Variants in ARL15 observed in about 807,000 individuals in gnomAD.
The protein encoded by ARL15 is ARF like GTPase 15.
In ARL15, 19 loss-of-function variants were observed where a neutral mutation model predicts 25.2. The ratio of observed to expected loss-of-function variants is 0.75; its 90% confidence interval spans 0.53 to 1.10. The LOEUF (loss-of-function observed/expected upper bound fraction) is 1.10, where lower values mean the gene tolerates loss of function less well. ARL15 is among the 50% of genes least tolerant of loss of function. The pLI, the probability that ARL15 is intolerant of heterozygous loss-of-function variation, is 0.00. For missense variants in ARL15, 220 were observed against 246.0 expected (o/e 0.89, Z 0.71); for synonymous variants, 94 against 86.8 (o/e 1.08, Z -0.46).
chr5:53,957,140 C>A (rs972238652), intron 4 of ARL15, among the ~76,000 whole-genome samples: 4 of 151,996 alleles, frequency 2.6e-5, no homozygotes, highest in African/African-American at 7.2e-5. Flanking sequence ...GAGATCTGCA[C>A]CAAAACATCT....
chr5:54,163,134 G>A (rs563247485), intron 2 of ARL15, among the ~76,000 whole-genome samples: 4 of 151,458 alleles, frequency 2.6e-5, no homozygotes, highest in Admixed American at 2.0e-4. Context: ...TTTTGTTTTT[G>A]TTTTTTGCAT....
At chr5:53,934,256 C>T (rs1746287174) in intron 4 of ARL15, among the ~76,000 whole-genome samples, 1 of 152,078 alleles carries the variant, frequency 6.6e-6, no homozygotes, top group Admixed American at 6.6e-5. Flanking sequence ...GTAGACATAT[C>T]CACAGACTCT....
intron 4 of ARL15, among the ~76,000 whole-genome samples, chr5:54,026,889 GA>G (rs1749800568): frequency 6.6e-6 from 1 of 152,112 alleles, no homozygotes; most frequent in South Asian, 2.1e-4. Context: ...TTACTAGAAG[GA>G]ATCTTCTTCT....
At chr5:54,028,040 C>T (rs1749839815) in intron 4 of ARL15, among the ~76,000 whole-genome samples, 1 of 152,032 alleles carries the variant, frequency 6.6e-6, no homozygotes, top group Non-Finnish European at 1.5e-5. Context: ...TCTGCCTCAG[C>T]CTCCCTAGTA....
intron 1 of ARL15, among the ~76,000 whole-genome samples, chr5:54,300,029 C>T (rs1758574851): frequency 6.6e-6 from 1 of 152,186 alleles, no homozygotes; most frequent in South Asian, 2.1e-4. Context: ...ACCAAACCTG[C>T]TATTTCTTCA....
chr5:53,960,235 G>A (rs1160965354), intron 4 of ARL15, among the ~76,000 whole-genome samples: 1 of 152,162 alleles, frequency 6.6e-6, no homozygotes, highest in Non-Finnish European at 1.5e-5. Flanking sequence ...CTAGCTGGTA[G>A]AAGAGATAAA....
intron 4 of ARL15, among the ~76,000 whole-genome samples, chr5:53,918,930 T>C (rs965734885): frequency 3.9e-5 from 6 of 152,186 alleles, no homozygotes; most frequent in African/African-American, 1.2e-4. Flanking sequence ...TACAAGAAGA[T>C]ATACAATTAT....
chr5:54,307,805 G>A (rs550235271), intron 1 of ARL15: 1 of 152,110 alleles, frequency 6.6e-6, no homozygotes, highest in East Asian at 1.9e-4. Context: ...TTTCCAACAG[G>A]AACAACACAA....
At chr5:54,267,528 A>G (rs962778007) in intron 1 of ARL15, among the ~76,000 whole-genome samples, 21 of 152,318 alleles carry the variant, frequency 1.4e-4, no homozygotes, top group Non-Finnish European at 2.9e-4. Context: ...ATAAGGACAT[A>G]ATTTCCAACT....
chr5:54,140,417 C>CAGACAGATAGAT (rs1554043188), intron 3 of ARL15, among the ~76,000 whole-genome samples: 1 of 145,264 alleles, frequency 6.9e-6, no homozygotes, highest in South Asian at 2.3e-4. Context: ...TGTGGATAGA[C>CAGACAGATAGAT]AGATAGATAG....
At chr5:54,142,634 T>C (rs533390952) in intron 3 of ARL15, among the ~76,000 whole-genome samples, 1 of 152,294 alleles carries the variant, frequency 6.6e-6, no homozygotes, top group South Asian at 2.1e-4. Context: ...CTGTTTACTT[T>C]CCATCCGAAA....
intron 4 of ARL15, among the ~76,000 whole-genome samples, chr5:54,079,974 C>A (rs1421576247): frequency 2.0e-5 from 1 of 49,068 alleles, no homozygotes; most frequent in Non-Finnish European, 3.7e-5. Context: ...CCGTCACACA[C>A]ACACACACAC....
At chr5:54,303,207 A>G (rs1758657173) in intron 1 of ARL15, among the ~76,000 whole-genome samples, 1 of 151,658 alleles carries the variant, frequency 6.6e-6, no homozygotes, top group Non-Finnish European at 1.5e-5. Context: ...AAAAGAACAT[A>G]GCACAGTCTC....
intron 4 of ARL15, among the ~76,000 whole-genome samples, chr5:53,896,576 C>G (rs1296878503): frequency 1.3e-5 from 2 of 152,082 alleles, no homozygotes; most frequent in Non-Finnish European, 2.9e-5. Context: ...TCACTGCAAG[C>G]TCCACCTCCC....
intron 2 of ARL15, among the ~76,000 whole-genome samples, chr5:54,163,161 A>G (rs1439523782): frequency 2.0e-5 from 3 of 152,124 alleles, no homozygotes; most frequent in Middle Eastern, 6.8e-3. Flanking sequence ...ACAGGATCAT[A>G]GTTTCATCTT....
At chr5:54,056,237 T>G (rs530905076) in intron 4 of ARL15, among the ~76,000 whole-genome samples, 45 of 152,100 alleles carry the variant, frequency 3.0e-4, no homozygotes, top group Admixed American at 1.1e-3. Context: ...ATTTAATAAG[T>G]TATGTTTTTA....
intron 1 of ARL15, among the ~76,000 whole-genome samples, chr5:54,249,672 C>CAAAA (rs11437578): frequency 2.8e-5 from 2 of 72,644 alleles, no homozygotes; most frequent in Non-Finnish European, 6.3e-5. Context: ...TGGTTAAGAG[C>CAAAA]AAAAAAAAAA....
intron 4 of ARL15, among the ~76,000 whole-genome samples, chr5:53,925,519 G>A (rs1000775002): frequency 6.6e-6 from 1 of 152,208 alleles, no homozygotes; most frequent in Non-Finnish European, 1.5e-5. Flanking sequence ...AGTGAGGTTT[G>A]GGGCAGGGCA....
chr5:54,310,569 G>A lies in ARL15; in HGVS notation c.-90C>T. ...GAGCGAGCAGCTCCTGAAAAAGCCA[G>A]CAACAGCGAAAATAGCCGAAAGCAG... On this transcript the variant is annotated 5_prime_UTR_variant, in exon 1 of 5. Coordinates refer to ENST00000504924, the MANE Select transcript of ARL15 (RefSeq NM_019087.3). 7.0e-7 allele frequency: 1 copy of A among 1,432,590 alleles called. No homozygotes were observed. Among genetic ancestry groups the A allele is most frequent in the Non-Finnish European group, 9.5e-7 (1 of 1,051,200 alleles). 88.7% of individuals were successfully genotyped at this position (1,432,590 alleles called of 1,614,324 possible).
Sources: allele counts gnomAD v4.1 joint callset (sites outside exome capture counted in the v4.1 genomes callset), GRCh38; gene constraint gnomAD v4.1.1; transcripts MANE v1.5; gene names NCBI Gene and HGNC (gene_info 2026-07-23, HGNC 2026-07-21).